Variants in EPHA6 observed in about 807,000 individuals in gnomAD.
The protein encoded by EPHA6 is ephrin type-A receptor 6.
In EPHA6, 50 loss-of-function variants were observed where a neutral mutation model predicts 112.0. The observed-to-expected ratio is 0.45, with a 90% CI of 0.36 to 0.56. The LOEUF (loss-of-function observed/expected upper bound fraction) is 0.56, where lower values mean the gene tolerates loss of function less well. Ranked by LOEUF, EPHA6 falls within the 20% of genes least tolerant of loss-of-function variation. The pLI is 0.00. For missense variants in EPHA6, 1,280 were observed against 1,417.4 expected (o/e 0.90, Z 1.56); for synonymous variants, 529 against 490.7 (o/e 1.08, Z -1.03).
At chr3:97,718,207 G>A (rs1009923362) in intron 14 of EPHA6, among the ~76,000 whole-genome samples, 1 of 152,178 alleles carries the variant, frequency 6.6e-6, no homozygotes, top group African/African-American at 2.4e-5. Flanking sequence ...ACAAGACTGA[G>A]GCACTTTAGT....
chr3:97,154,165 C>CAA (rs527904988), intron 3 of EPHA6, among the ~76,000 whole-genome samples: 12 of 109,246 alleles, frequency 1.1e-4, no homozygotes, highest in South Asian at 3.0e-4. Context: ...AACACTGTCT[C>CAA]AAAAAAAAAA....
At chr3:97,743,904 G>T (rs1398203532) in intron 16 of EPHA6, among the ~76,000 whole-genome samples, 2 of 151,902 alleles carry the variant, frequency 1.3e-5, no homozygotes, top group African/African-American at 4.8e-5. Context: ...TTTAATGGTA[G>T]TATTGATATA....
intron 9 of EPHA6, among the ~76,000 whole-genome samples, chr3:97,480,959 G>A (rs2091522165): frequency 6.6e-6 from 1 of 151,930 alleles, no homozygotes; most frequent in Non-Finnish European, 1.5e-5. Flanking sequence ...AGACGGGATG[G>A]CGGCCGGGAA....
At chr3:97,391,832 T>A (rs2086415292) in intron 5 of EPHA6, among the ~76,000 whole-genome samples, 1 of 151,912 alleles carries the variant, frequency 6.6e-6, no homozygotes, top group African/African-American at 2.4e-5. Context: ...AAATGGGAAC[T>A]CTCTTCTAAA....
chr3:97,727,664 T>C (rs4518167), intron 15 of EPHA6, among the ~76,000 whole-genome samples: 149,226 of 152,072 alleles, frequency 0.98, 73,239 homozygotes, highest in East Asian at 0.99. Context: ...TTCCACCTTC[T>C]ATAATACAGA....
intron 2 of EPHA6, among the ~76,000 whole-genome samples, chr3:96,913,988 T>G (rs2039361121): frequency 6.6e-6 from 1 of 152,144 alleles, no homozygotes; most frequent in Admixed American, 6.6e-5. Context: ...AAGCAAAGTT[T>G]GTAGTGGAGA....
chr3:97,067,912 G>A (rs754404370), intron 3 of EPHA6, among the ~76,000 whole-genome samples: 7 of 151,912 alleles, frequency 4.6e-5, no homozygotes, highest in Non-Finnish European at 8.8e-5. Flanking sequence ...GGAGGCTGAG[G>A]CAGGTGAGGA....
chr3:97,283,532 G>C (rs1349885164), intron 5 of EPHA6, among the ~76,000 whole-genome samples: 2 of 152,004 alleles, frequency 1.3e-5, no homozygotes, highest in African/African-American at 4.8e-5. Flanking sequence ...AAATGAAATG[G>C]TGATTATAGA....
intron 2 of EPHA6, among the ~76,000 whole-genome samples, chr3:96,901,318 A>G (rs1575975304): frequency 6.6e-6 from 1 of 152,262 alleles, no homozygotes; most frequent in East Asian, 1.9e-4. Flanking sequence ...TGTAACAACA[A>G]TACCTACAAA....
chr3:97,187,688 GGAAAGAAAGAAA>G (rs71113853), intron 3 of EPHA6, among the ~76,000 whole-genome samples: 4,971 of 108,016 alleles, frequency 0.046, 108 homozygotes, highest in Non-Finnish European at 0.053. Flanking sequence ...AAAGAAAGAA[GGAAAGAAAGAAA>G]GAAAGAAAGA....
chr3:97,663,891 A>T (rs2094187587), intron 14 of EPHA6, among the ~76,000 whole-genome samples: 1 of 152,142 alleles, frequency 6.6e-6, no homozygotes, highest in Non-Finnish European at 1.5e-5. Flanking sequence ...CTAGTTCTAG[A>T]TCCCCGAGGA....
At chr3:97,020,415 A>T (rs1576335503) in intron 3 of EPHA6, among the ~76,000 whole-genome samples, 1 of 152,346 alleles carries the variant, frequency 6.6e-6, no homozygotes, top group South Asian at 2.1e-4. Flanking sequence ...AAGTAAGAAA[A>T]ATAATATTTC....
At position 97,700,812 on chromosome 3, in the gene EPHA6, G is replaced by A. The variant is rs533827755; in HGVS notation, c.2785-19449G>A. On this transcript the variant is annotated intron_variant, in intron 14 of 17. Coordinates refer to ENST00000389672, the MANE Select transcript of EPHA6 (RefSeq NM_001080448.3). ...TATAATCTAATCACAATCAATAGAT[G>A]TACAAAGATGTAATTTTCTCTGCAA... 1.8e-4 allele frequency among the ~76,000 whole-genome samples: 28 copies of A among 152,270 alleles called. 1 individual carries two copies. Among genetic ancestry groups the A allele is most frequent in the Admixed American group, 1.3e-3 (20 of 15,282 alleles).
At chr3:97,696,712 G>A (rs1201451938) in intron 14 of EPHA6, among the ~76,000 whole-genome samples, 1 of 152,080 alleles carries the variant, frequency 6.6e-6, no homozygotes, top group African/African-American at 2.4e-5. Flanking sequence ...ATTTTACTGA[G>A]TGTGTACTAT....
chr3:96,935,739 T>C (rs2040548613), intron 2 of EPHA6, among the ~76,000 whole-genome samples: 1 of 137,436 alleles, frequency 7.3e-6, no homozygotes, highest in Non-Finnish European at 1.5e-5. Context: ...ATATATATAA[T>C]ATATATGCAC....
chr3:97,603,513 A>G (rs2093658320), intron 12 of EPHA6, among the ~76,000 whole-genome samples: 1 of 151,978 alleles, frequency 6.6e-6, no homozygotes, highest in African/African-American at 2.4e-5. Flanking sequence ...AAAGGAAATG[A>G]AATAAATTAA....
At chr3:97,371,729 A>T (rs1433770638) in intron 5 of EPHA6, among the ~76,000 whole-genome samples, 1 of 152,168 alleles carries the variant, frequency 6.6e-6, no homozygotes, top group Non-Finnish European at 1.5e-5. Flanking sequence ...TCCTTTCAAA[A>T]GCAAATAGGA....
intron 1 of EPHA6, among the ~76,000 whole-genome samples, chr3:96,824,410 T>G (rs1305105502): frequency 6.6e-6 from 1 of 151,898 alleles, no homozygotes; most frequent in Non-Finnish European, 1.5e-5. Flanking sequence ...GTTTTTAAAG[T>G]TTATTCATTT....
rs59590595 is a variant in EPHA6 at position 97,063,104 on chromosome 3, A to C, written c.1114+75111A>C. ...GGAATGCTTATACACTGTCGGTGGG[A>C]GTATAAATTAGCTCAACCATTGTGG... On this transcript the variant is annotated intron_variant, in intron 3 of 17. Coordinates refer to ENST00000389672, the MANE Select transcript of EPHA6 (RefSeq NM_001080448.3). Among the ~76,000 whole-genome samples the C allele has an allele frequency of 9.5e-3, 1,449 of 152,234 alleles. 27 individuals carry two copies. Among genetic ancestry groups the C allele is most frequent in the African/African-American group, 0.033 (1,360 of 41,544 alleles).
Sources: gnomAD v4.1 joint callset for allele counts (sites outside exome capture counted in the v4.1 genomes callset) on GRCh38, gnomAD v4.1.1 for gene constraint, MANE v1.5 for transcripts, NCBI Gene and HGNC (gene_info 2026-07-23, HGNC 2026-07-21) for gene names.